SLC35F2: variants seen among roughly 807,000 people sequenced by gnomAD.
SLC35F2 encodes queuine/queuosine transporter SLC35F2.
Under a neutral mutation model 38.1 loss-of-function variants are expected in SLC35F2, and 25 were observed. The observed-to-expected ratio is 0.66, with a 90% CI of 0.48 to 0.92. The LOEUF is 0.92. SLC35F2 is among the 40% of genes least tolerant of loss of function. The pLI is 0.00. For synonymous variants in SLC35F2, 173 were observed against 181.7 expected (o/e 0.95, Z 0.38); for missense variants, 409 against 452.9 (o/e 0.90, Z 0.88).
intron 1 of SLC35F2, among the ~76,000 whole-genome samples, chr11:107,855,424 G>A (rs906890663): frequency 2.0e-5 from 3 of 152,074 alleles, no homozygotes; most frequent in East Asian, 1.9e-4. Flanking sequence ...AGGCCGAGGC[G>A]GGCGGATCAC....
At chr11:107,847,857 A>C (rs552642620) in intron 1 of SLC35F2, among the ~76,000 whole-genome samples, 1 of 152,338 alleles carries the variant, frequency 6.6e-6, no homozygotes, top group Non-Finnish European at 1.5e-5. Flanking sequence ...CCAAGTGCCA[A>C]GTGAGAGAGG....
rs1028887374 is a variant in SLC35F2 at position 107,791,010 on chromosome 11, A to G, written c.*1605T>C. On this transcript the variant is annotated 3_prime_UTR_variant, in exon 8 of 8. Transcript: ENST00000525815. ...AGTTGATGTATTTCCATGAATTCAAAGCCTTTTAATGATGTGAACACTTAC... is the reference window on the plus strand; with the variant it reads ...AGTTGATGTATTTCCATGAATTCAAGGCCTTTTAATGATGTGAACACTTAC... The G allele has an allele frequency of 6.6e-6, 1 of 152,670 alleles. No homozygotes were observed. Among genetic ancestry groups the G allele is most frequent in the African/African-American group, 2.4e-5 (1 of 41,474 alleles). The allele number at this position is 152,670 out of a possible 1,614,324, so 9.5% of individuals were successfully genotyped here.
chr11:107,811,275 G>A (rs892549106), intron 3 of SLC35F2: 1 of 984,368 alleles, frequency 1.0e-6, no homozygotes, highest in African/African-American at 1.7e-5. Flanking sequence ...TCTTCCAATG[G>A]TTTCTTTGTC....
At chr11:107,833,380 G>A (rs1199008747) in intron 1 of SLC35F2, among the ~76,000 whole-genome samples, 1 of 152,034 alleles carries the variant, frequency 6.6e-6, no homozygotes, top group Non-Finnish European at 1.5e-5. Context: ...TTAGCCAGGC[G>A]TGGTCGCACA....
rs1230007503 is a variant in SLC35F2, at chr11:107,792,165, A to T, written c.*450T>A. 2.0e-5 allele frequency: 3 copies of T among 150,718 alleles called. No homozygotes were observed. Among genetic ancestry groups the T allele is most frequent in the Non-Finnish European group, 2.9e-5 (2 of 67,984 alleles). 9.3% of individuals were successfully genotyped at this position (150,718 alleles called of 1,614,324 possible). A position where few individuals can be genotyped will look rare whatever the true frequency, so the allele number is the denominator to read the frequency against. On this transcript the variant is annotated 3_prime_UTR_variant, in exon 8 of 8. Coordinates refer to ENST00000525815, the MANE Select transcript of SLC35F2 (RefSeq NM_017515.5). ...TGTGGACAATAACTGCCTCAGCAAA[A>T]AAAAAAAAAAAAAAAAACCTTGAAG...
At chr11:107,851,222 C>T (rs1197887130) in intron 1 of SLC35F2, among the ~76,000 whole-genome samples, 1 of 150,956 alleles carries the variant, frequency 6.6e-6, no homozygotes, top group East Asian at 1.9e-4. Context: ...GAGATCGCAC[C>T]ACTGTACTCT....
intron 1 of SLC35F2, among the ~76,000 whole-genome samples, chr11:107,851,654 A>C (rs1860188806): frequency 6.6e-6 from 1 of 151,952 alleles, no homozygotes; most frequent in Non-Finnish European, 1.5e-5. Context: ...CATGCATCCC[A>C]TATTTTTTGT....
chr11:107,811,575 T>C (rs1461400032), intron 3 of SLC35F2, 92 bp downstream of exon 3: 8 of 1,242,116 alleles, frequency 6.4e-6, no homozygotes, highest in Non-Finnish European at 8.9e-6. Flanking sequence ...TTCAAGTGAA[T>C]AGATTTTCAA....
intron 1 of SLC35F2, among the ~76,000 whole-genome samples, chr11:107,824,994 A>G (rs1859730609): frequency 6.6e-6 from 1 of 152,192 alleles, no homozygotes; most frequent in Admixed American, 6.5e-5. Context: ...GTTTAATGTA[A>G]TTTCGTTTCA....
intron 1 of SLC35F2, among the ~76,000 whole-genome samples, chr11:107,819,525 G>GCA (rs1414437645): frequency 6.6e-6 from 1 of 152,170 alleles, no homozygotes; most frequent in Non-Finnish European, 1.5e-5. Context: ...CTTCTCTTGT[G>GCA]CACACTTCCT....
At chr11:107,793,932 A>G (rs1400638375) in intron 7 of SLC35F2, among the ~76,000 whole-genome samples, 2 of 152,304 alleles carry the variant, frequency 1.3e-5, no homozygotes, top group Non-Finnish European at 2.9e-5. Context: ...AAATGCAATG[A>G]GGAAAGAACA....
intron 1 of SLC35F2, among the ~76,000 whole-genome samples, chr11:107,831,099 A>C (rs1318186597): frequency 6.6e-6 from 1 of 152,184 alleles, no homozygotes; most frequent in Non-Finnish European, 1.5e-5. Context: ...GGGCTGGCAC[A>C]ATTGCTGCAA....
At chr11:107,842,376 C>T (rs1860026899) in intron 1 of SLC35F2, among the ~76,000 whole-genome samples, 2 of 149,314 alleles carry the variant, frequency 1.3e-5, no homozygotes, top group South Asian at 4.3e-4. Flanking sequence ...ATTTTTTGAG[C>T]CAGAGTCTCA....
chr11:107,841,780 T>C (rs1474048228), intron 1 of SLC35F2, among the ~76,000 whole-genome samples: 16 of 152,006 alleles, frequency 1.1e-4, no homozygotes, highest in Non-Finnish European at 2.2e-4. Context: ...AAAACCAGCC[T>C]AGCCAACATG....
chr11:107,857,758 T>TGAGG (rs1860316392), intron 1 of SLC35F2, among the ~76,000 whole-genome samples: 1 of 152,178 alleles, frequency 6.6e-6, no homozygotes, highest in Admixed American at 6.5e-5. Context: ...AGACTACGGC[T>TGAGG]TGAACGCATC....
At chr11:107,841,883 T>C (rs1442199264) in intron 1 of SLC35F2, among the ~76,000 whole-genome samples, 1 of 151,830 alleles carries the variant, frequency 6.6e-6, no homozygotes, top group East Asian at 1.9e-4. Context: ...GCCAACATAG[T>C]GAAACCCCGT....
In SLC35F2 at chr11:107,858,697, G is replaced by A. The variant is rs1315475453; in HGVS notation, c.71C>T (p.Ser24Phe). 18 of 1,301,822 alleles carry A rather than the reference G, an allele frequency of 1.4e-5. No individual in the cohort carries two copies. Among genetic ancestry groups the A allele is most frequent in the Admixed American group, 3.2e-5 (1 of 31,274 alleles). The allele number at this position is 1,301,822 out of a possible 1,614,324, so 80.6% of individuals were successfully genotyped here. The change falls in exon 1 of 8, where the codon TCC becomes TTC. Residue 24 changes from serine to phenylalanine, a missense_variant. Transcript: ENST00000525815. Reference protein sequence around the residue: ...PLAEGAAAEFSSLLRRIKGKL... With the variant: ...PLAEGAAAEFFSLLRRIKGKL... ...GCCTTTTATCCTGCGCAGCAGGCTG[G>A]AGAACTCGGCCGCCGCTCCCTCCGC...
chr11:107,837,444 T>C (rs749648591), intron 1 of SLC35F2, among the ~76,000 whole-genome samples: 3 of 151,322 alleles, frequency 2.0e-5, no homozygotes, highest in Non-Finnish European at 4.4e-5. Context: ...TCCCAGCACT[T>C]TGGGAGGCCG....
At chr11:107,824,060 TG>T in intron 1 of SLC35F2, 1 of 932,612 alleles carries the variant, frequency 1.1e-6, no homozygotes. Context: ...TAGCCATCAA[TG>T]TATCATCTAA....
Sources: allele counts gnomAD v4.1 joint callset (sites outside exome capture counted in the v4.1 genomes callset), GRCh38; gene constraint gnomAD v4.1.1; transcripts MANE v1.5; gene names NCBI Gene and HGNC (gene_info 2026-07-23, HGNC 2026-07-21).